The following SLCO3A1 variants were observed in gnomAD, a reference collection of about 807,000 sequenced individuals.
SLCO3A1 encodes PGE1 transporter.
Under a neutral mutation model 63.1 loss-of-function variants are expected in SLCO3A1, and 27 were observed. The ratio of observed to expected loss-of-function variants is 0.43; its 90% CI spans 0.32 to 0.59. The LOEUF (loss-of-function observed/expected upper bound fraction) is 0.59, where lower values mean the gene tolerates loss of function less well. SLCO3A1 is among the 20% of genes least tolerant of loss of function. The pLI is 0.09. For synonymous variants in SLCO3A1, 473 were observed against 409.9 expected (o/e 1.15, Z -1.86); for missense variants, 773 against 945.8 (o/e 0.82, Z 2.40).
intron 2 of SLCO3A1, among the ~76,000 whole-genome samples, chr15:91,963,055 G>A (rs1900509546): frequency 6.6e-6 from 1 of 152,046 alleles, no homozygotes; most frequent in Admixed American, 6.5e-5. Context: ...ATCTAAATGG[G>A]TCCGGGTGCT....
intron 3 of SLCO3A1, among the ~76,000 whole-genome samples, chr15:92,102,156 C>T (rs2047613135): frequency 6.6e-6 from 1 of 152,112 alleles, no homozygotes; most frequent in African/African-American, 2.4e-5. Context: ...ACTTCAGCTC[C>T]CTTTTGCTGT....
At chr15:92,004,456 A>G (rs746153478) in intron 2 of SLCO3A1, among the ~76,000 whole-genome samples, 3 of 152,244 alleles carry the variant, frequency 2.0e-5, no homozygotes, top group African/African-American at 4.8e-5. Flanking sequence ...GATGATGACT[A>G]TCCGTGGAGA....
intron 2 of SLCO3A1, among the ~76,000 whole-genome samples, chr15:92,047,072 A>AAT (rs1171508604): frequency 0.015 from 76 of 5,192 alleles, 14 homozygotes; most frequent in African/African-American, 0.053. Flanking sequence ...TATATATACA[A>AAT]ATATATATAA....
chr15:91,902,064 T>C (rs913537113), intron 1 of SLCO3A1, among the ~76,000 whole-genome samples: 1 of 152,216 alleles, frequency 6.6e-6, no homozygotes, highest in Non-Finnish European at 1.5e-5. Context: ...AGTTTACTGA[T>C]TTACTGATTC....
At position 92,027,984 on chromosome 15, in the gene SLCO3A1, C is replaced by T. The variant is rs530634091; in HGVS notation, c.647-66897C>T. ...CCTGCACTGACTCCTCTGATCACAG[C>T]GTTCGGCTCAATCTGCACAAACCAT... On this transcript the variant is annotated intron_variant, in intron 2 of 9. Transcript: ENST00000318445. Among the ~76,000 whole-genome samples, 3 of 152,318 alleles carry T rather than the reference C, an allele frequency of 2.0e-5. No individual in the cohort carries two copies. The South Asian group carries it at 6.2e-4, about 32-fold the overall frequency.
chr15:92,050,598 C>G (rs970979486), intron 2 of SLCO3A1, among the ~76,000 whole-genome samples: 2 of 152,198 alleles, frequency 1.3e-5, no homozygotes, highest in African/African-American at 4.8e-5. Context: ...CACCCCAACC[C>G]ATTACATCTC....
At chr15:92,003,464 T>C (rs376764713) in intron 2 of SLCO3A1, among the ~76,000 whole-genome samples, 9 of 152,250 alleles carry the variant, frequency 5.9e-5, no homozygotes, top group African/African-American at 1.9e-4. Flanking sequence ...GGCCTCAGCA[T>C]CTATCAACAG....
Position 91,954,168 on chromosome 15 carries a change from A to T in SLCO3A1, c.646+37710A>T, listed in dbSNP as rs916501772. ...TGTGAAGATAGTTTTGACCTCCTAG[A>T]CCTCTCTGCTCAAGGGTGTTAGAGA... On this transcript the variant is annotated intron_variant, in intron 2 of 9. Transcript: ENST00000318445. This position sits in a 1 kb window ranked among gnomAD's most constrained non-coding sequence, Gnocchi z 4.7. Among the ~76,000 whole-genome samples, 2 of 152,104 alleles carry T rather than the reference A, an allele frequency of 1.3e-5. No homozygotes were observed. The highest frequency in any genetic ancestry group is 4.8e-5 in the African/African-American group (2 of 41,402).
intron 2 of SLCO3A1, among the ~76,000 whole-genome samples, chr15:92,000,575 G>C (rs989849083): frequency 1.3e-5 from 2 of 152,072 alleles, no homozygotes; most frequent in Admixed American, 6.6e-5. Flanking sequence ...AGACCTAAAG[G>C]CAATGTCACA....
intron 2 of SLCO3A1, among the ~76,000 whole-genome samples, chr15:91,949,512 C>T (rs766404211): frequency 4.6e-5 from 7 of 152,038 alleles, no homozygotes; most frequent in Non-Finnish European, 7.4e-5. Context: ...TACCTGTAAT[C>T]CTAGCTACTC....
At chr15:92,056,858 G>A (rs2047027888) in intron 2 of SLCO3A1, among the ~76,000 whole-genome samples, 2 of 152,198 alleles carry the variant, frequency 1.3e-5, no homozygotes, top group South Asian at 4.1e-4. Flanking sequence ...GAGAGAACAA[G>A]CTCAACCCCT....
At chr15:92,114,075 G>T (rs975212684) in intron 4 of SLCO3A1, among the ~76,000 whole-genome samples, 9 of 152,140 alleles carry the variant, frequency 5.9e-5, no homozygotes, top group African/African-American at 2.2e-4. Flanking sequence ...TCCCCTGGGG[G>T]CCAACAGGTC....
chr15:91,946,526 G>A (rs1282035682), intron 2 of SLCO3A1, among the ~76,000 whole-genome samples: 2 of 152,182 alleles, frequency 1.3e-5, no homozygotes, highest in Non-Finnish European at 1.5e-5. Context: ...TATGTTATAT[G>A]AAAATGATGG....
intron 4 of SLCO3A1, among the ~76,000 whole-genome samples, chr15:92,111,200 C>T (rs1159582840): frequency 6.6e-6 from 1 of 152,204 alleles, no homozygotes; most frequent in Non-Finnish European, 1.5e-5. Context: ...CATGCCTCTC[C>T]ATAGCTCAGG....
intron 2 of SLCO3A1, among the ~76,000 whole-genome samples, chr15:92,035,317 ACAT>A (rs987048431): frequency 5.9e-5 from 9 of 151,874 alleles, no homozygotes; most frequent in African/African-American, 2.2e-4. Flanking sequence ...CCAATGGGAA[ACAT>A]CATGATTTTG....
chr15:91,877,518 A>G (rs1210014572), intron 1 of SLCO3A1, among the ~76,000 whole-genome samples: 1 of 152,170 alleles, frequency 6.6e-6, no homozygotes, highest in East Asian at 1.9e-4. Context: ...GATATTCTTC[A>G]GAGAGTGGTA....
chr15:91,870,714 CT>C (rs71156616), intron 1 of SLCO3A1, among the ~76,000 whole-genome samples: 36,018 of 152,072 alleles, frequency 0.24, 4,395 homozygotes, highest in Middle Eastern at 0.33. Context: ...ACTTGAATCC[CT>C]TTTTTTTATC....
chr15:92,112,399 C>T (rs1191766004), intron 4 of SLCO3A1, among the ~76,000 whole-genome samples: 3 of 152,230 alleles, frequency 2.0e-5, no homozygotes, highest in Non-Finnish European at 2.9e-5. Context: ...TGGACTTTAT[C>T]TGAGGAGCCC....
chr15:91,917,475 T>C (rs1027624444), intron 2 of SLCO3A1, among the ~76,000 whole-genome samples: 7 of 152,208 alleles, frequency 4.6e-5, no homozygotes, highest in African/African-American at 1.7e-4. Flanking sequence ...AATGCAGATT[T>C]TTCTCTGTGT....
Sources: gnomAD v4.1 joint callset for allele counts (sites outside exome capture counted in the v4.1 genomes callset) on GRCh38, gnomAD v4.1.1 for gene constraint, Gnocchi (gnomAD v3.1) non-coding constraint, MANE v1.5 for transcripts, NCBI Gene and HGNC (gene_info 2026-07-23, HGNC 2026-07-21) for gene names.